The following DENND5B variants were observed in gnomAD, a reference collection of about 807,000 sequenced individuals.
The protein encoded by DENND5B is DENN domain containing 5B, also known as DENN domain-containing protein 5B.
DENND5B carries 34 observed loss-of-function variants against 140.6 expected under a neutral mutation model. The observed-to-expected ratio is 0.24, with a 90% CI of 0.18 to 0.32. The LOEUF is 0.32. Ranked by LOEUF, DENND5B falls within the 10% of genes least tolerant of loss-of-function variation. DENND5B has a pLI of 1.00. For missense variants in DENND5B, 1,142 were observed against 1,560.2 expected (o/e 0.73, Z 4.52); for synonymous variants, 551 against 562.1 (o/e 0.98, Z 0.28).
intron 4 of DENND5B, among the ~76,000 whole-genome samples, chr12:31,453,756 C>T (rs1226302218): frequency 1.3e-5 from 2 of 152,186 alleles, no homozygotes; most frequent in South Asian, 2.1e-4. Flanking sequence ...AGCAACCAGT[C>T]GGGTCTTTGT....
At chr12:31,408,174 T>C (rs981646509) in intron 14 of DENND5B, among the ~76,000 whole-genome samples, 2 of 151,318 alleles carry the variant, frequency 1.3e-5, no homozygotes, top group African/African-American at 4.9e-5. Flanking sequence ...CATATGCCTA[T>C]ATACAGATGT....
chr12:31,520,597 G>C (rs1242329497), intron 1 of DENND5B, among the ~76,000 whole-genome samples: 1 of 152,104 alleles, frequency 6.6e-6, no homozygotes, highest in East Asian at 1.9e-4. Context: ...CTGGAGTACA[G>C]TGGTGTGATC....
intron 14 of DENND5B, among the ~76,000 whole-genome samples, chr12:31,405,441 C>G (rs550099183): frequency 5.3e-5 from 8 of 151,682 alleles, no homozygotes; most frequent in Non-Finnish European, 1.0e-4. Context: ...TGGTCTCAAA[C>G]TCCTAAGCTC....
intron 1 of DENND5B, among the ~76,000 whole-genome samples, chr12:31,531,755 C>T (rs76812993): frequency 0.021 from 3,124 of 152,188 alleles, 56 homozygotes; most frequent in South Asian, 0.052. Flanking sequence ...TAAATACTGA[C>T]GGACCCTGCA....
At chr12:31,447,919 T>C (rs1944340596) in intron 5 of DENND5B, 150 bp from the exon 6 acceptor site, 1 of 660,048 alleles carries the variant, frequency 1.5e-6, no homozygotes. Context: ...AAATCCACTT[T>C]TCTTTCCATT....
At chr12:31,495,975 T>G in intron 1 of DENND5B, 56 bp from the exon 2 acceptor site, 1 of 1,282,374 alleles carries the variant, frequency 7.8e-7, no homozygotes, top group Non-Finnish European at 1.1e-6. Context: ...CATGTCATAG[T>G]TTTCTATTTA....
intron 7 of DENND5B, among the ~76,000 whole-genome samples, chr12:31,441,963 G>A (rs1286202742): frequency 1.3e-5 from 2 of 152,150 alleles, no homozygotes; most frequent in Admixed American, 6.5e-5. Context: ...GGTTACAGGC[G>A]TGAGCCACCA....
intron 4 of DENND5B, among the ~76,000 whole-genome samples, chr12:31,452,869 T>C (rs1944601068): frequency 6.6e-6 from 1 of 152,188 alleles, no homozygotes; most frequent in South Asian, 2.1e-4. Context: ...AATCTGAATA[T>C]GATTTTCTAA....
chr12:31,553,105 C>A (rs1221630411), intron 1 of DENND5B, among the ~76,000 whole-genome samples: 2 of 152,128 alleles, frequency 1.3e-5, no homozygotes, highest in African/African-American at 2.4e-5. Flanking sequence ...CTTCTGCTAG[C>A]TTTTGAATGT....
chr12:31,433,393 A>C, intron 7 of DENND5B, 145 bp from the exon 8 acceptor site: 1 of 751,170 alleles, frequency 1.3e-6, no homozygotes, highest in Non-Finnish European at 2.0e-6. Flanking sequence ...TAATTAAAAT[A>C]CCATACTATG....
intron 1 of DENND5B, among the ~76,000 whole-genome samples, chr12:31,496,225 T>A (rs1946756535): frequency 6.6e-6 from 1 of 152,222 alleles, no homozygotes; most frequent in Non-Finnish European, 1.5e-5. Flanking sequence ...GTGGTAATAA[T>A]AAACTATATG....
At chr12:31,571,236 A>G (rs1037163815) in intron 1 of DENND5B, among the ~76,000 whole-genome samples, 1 of 152,170 alleles carries the variant, frequency 6.6e-6, no homozygotes, top group Admixed American at 6.5e-5. Flanking sequence ...GTCTAAACAT[A>G]TTTTCATTCT....
At chr12:31,391,426 G>C (rs529293505) in intron 19 of DENND5B, among the ~76,000 whole-genome samples, 1 of 152,210 alleles carries the variant, frequency 6.6e-6, no homozygotes, top group East Asian at 1.9e-4. Context: ...TTTCTTTCCA[G>C]ATCAATGGTC....
intron 4 of DENND5B, among the ~76,000 whole-genome samples, chr12:31,457,548 T>A (rs1178938814): frequency 6.6e-6 from 1 of 152,176 alleles, no homozygotes; most frequent in East Asian, 1.9e-4. Context: ...ATTTAAGTCA[T>A]TTTTTTAAAT....
chr12:31,456,858 C>G (rs375457107), intron 4 of DENND5B, among the ~76,000 whole-genome samples: 1 of 152,100 alleles, frequency 6.6e-6, no homozygotes, highest in Non-Finnish European at 1.5e-5. Flanking sequence ...GCCAGAGGAT[C>G]GCTTGAGCCC....
At chr12:31,549,269 CT>C (rs1422995959) in intron 1 of DENND5B, among the ~76,000 whole-genome samples, 6 of 152,112 alleles carry the variant, frequency 3.9e-5, no homozygotes, top group Non-Finnish European at 8.8e-5. Context: ...GCATCTGCCC[CT>C]ATCAGCAATG....
chr12:31,546,560 G>A (rs999478301), intron 1 of DENND5B, among the ~76,000 whole-genome samples: 5 of 152,034 alleles, frequency 3.3e-5, no homozygotes, highest in African/African-American at 1.2e-4. Context: ...GGTGGTACGC[G>A]CCTGTAATCC....
At chr12:31,500,898 C>T (rs958456079) in intron 1 of DENND5B, among the ~76,000 whole-genome samples, 3 of 152,060 alleles carry the variant, frequency 2.0e-5, no homozygotes, top group African/African-American at 4.8e-5. Flanking sequence ...AACCCCATAA[C>T]TCCAGTCTAA....
intron 13 of DENND5B, among the ~76,000 whole-genome samples, chr12:31,411,040 C>CT (rs59646978): frequency 0.014 from 2,010 of 140,220 alleles, 34 homozygotes; most frequent in African/African-American, 0.038. Flanking sequence ...GCATAAATCA[C>CT]TTTTTTTTTT....
Sources: gnomAD v4.1 joint callset for allele counts (sites outside exome capture counted in the v4.1 genomes callset) on GRCh38, gnomAD v4.1.1 for gene constraint, MANE v1.5 for transcripts, NCBI Gene and HGNC (gene_info 2026-07-23, HGNC 2026-07-21) for gene names.